NFKBID: variants seen among roughly 807,000 people sequenced by gnomAD.
NFKBID encodes NF-kappa-B inhibitor delta.
A neutral mutation model predicts 53.4 loss-of-function variants in NFKBID; 26 were observed. The ratio of observed to expected loss-of-function variants is 0.49; its 90% CI spans 0.36 to 0.68. NFKBID has a LOEUF of 0.68. Ranked by LOEUF, NFKBID falls within the 30% of genes least tolerant of loss-of-function variation. NFKBID has a pLI of 0.00. For missense variants in NFKBID, 493 were observed against 614.1 expected (o/e 0.80, Z 2.08); for synonymous variants, 262 against 259.8 (o/e 1.01, Z -0.08).
chr19:35,900,827 C>CTTTTTTTTTTT (rs60365058), upstream of NFKBID, among the ~76,000 whole-genome samples: 51 of 107,582 alleles, frequency 4.7e-4, no homozygotes, highest in African/African-American at 8.3e-4. Context: ...TTTTTCTTTT[C>CTTTTTTTTTTT]TTTTTTTTTT....
intron 9 of NFKBID, chr19:35,890,734 C>T (rs1430676688): frequency 1.8e-5 from 9 of 499,606 alleles, no homozygotes; most frequent in African/African-American, 7.7e-5. Flanking sequence ...CGTGGTGGTG[C>T]GCACCTGTAG....
Position 35,890,329 on chromosome 19 carries a change from C to G in NFKBID, c.1149+45G>C, listed in dbSNP as rs753382327. 9 of 1,365,678 alleles carry G rather than the reference C, an allele frequency of 6.6e-6. No individual in the cohort carries two copies. The East Asian group carries it at 6.9e-5, about 10-fold the overall frequency. 84.6% of individuals were successfully genotyped at this position (1,365,678 alleles called of 1,614,324 possible). On this transcript the variant is annotated intron_variant, in intron 10 of 11. Coordinates refer to ENST00000641389, the Ensembl canonical transcript of NFKBID. ...GACCCCTAACATCCCACTGCCCCCC[C>G]TACCGTACCCCACACAATCTGCACT... is the stretch of plus-strand genomic sequence containing the variant.
intron 2 of NFKBID, 61 bp from the exon 3 acceptor site, chr19:35,898,593 T>G: frequency 7.0e-7 from 1 of 1,437,868 alleles, no homozygotes; most frequent in South Asian, 1.2e-5. Context: ...CCTCCGGGTC[T>G]GTCTCGGATC....
upstream of NFKBID, chr19:35,900,809 TTTTC>T (rs945772073): frequency 3.1e-5 from 11 of 359,056 alleles, no homozygotes; most frequent in African/African-American, 6.6e-5. Context: ...TTTCTTTTCT[TTTTC>T]TTTTTTTTCT....
chr19:35,895,269 A>G (rs1377573755), intron 9 of NFKBID, among the ~76,000 whole-genome samples: 2 of 147,252 alleles, frequency 1.4e-5, no homozygotes, highest in African/African-American at 5.1e-5. Context: ...TGAGGTCAGG[A>G]GTTTGAGACC....
At chr19:35,902,134 G>C, upstream of NFKBID, 1 of 702,418 alleles carries the variant, frequency 1.4e-6, no homozygotes, top group South Asian at 1.5e-5. Context: ...AGATTGTCAG[G>C]CATTTCCAAC....
intron 11 of NFKBID, 106 bp downstream of exon 11, chr19:35,889,783 GA>G (rs1974624097): frequency 8.3e-7 from 1 of 1,210,316 alleles, no homozygotes; most frequent in African/African-American, 1.5e-5. Context: ...GTCACCTTCC[GA>G]GATTAGAAGT....
At position 35,895,960 on chromosome 19, in the gene NFKBID, C is replaced by T. The variant is rs761525967; in HGVS notation, c.1032+20G>A. ...TTCCACACAATCTCCCAGGGTCTGACCGCCCACATCCCCGCTCACCTGGCT... is the reference window on the plus strand; with the variant it reads ...TTCCACACAATCTCCCAGGGTCTGATCGCCCACATCCCCGCTCACCTGGCT... On this transcript the variant is annotated intron_variant, in intron 9 of 11. Transcript: ENST00000641389. The T allele has an allele frequency of 1.9e-6, 3 of 1,604,834 alleles. No homozygotes were observed. The highest frequency in any genetic ancestry group is 3.4e-5 in the Admixed American group (2 of 59,574).
intron 1 of NFKBID, among the ~76,000 whole-genome samples, chr19:35,900,074 G>C (rs1268950944): frequency 0.099 from 68 of 686 alleles, no homozygotes; most frequent in Admixed American, 0.17. Flanking sequence ...AAGCAACCAC[G>C]CCCCCCCCCC....
In NFKBID at chr19:35,896,557, G is replaced by A. The variant is rs746012084; in HGVS notation, c.685-19C>T. The A allele has an allele frequency of 3.1e-6, 5 of 1,612,192 alleles. 1 individual carries two copies. The South Asian group carries it at 5.5e-5, about 18-fold the overall frequency. The stretch of plus-strand genomic sequence containing the variant: ...GAGGGGTCTGCAGGCCACAGGAGAA[G>A]TCAGGTTGGGCTCCTGGTTCCCTCC... On this transcript the variant is annotated intron_variant, in intron 6 of 11. Transcript: ENST00000641389. The surrounding 1 kb of genome is among the most constrained non-coding windows in gnomAD (Gnocchi z 5.7).
chr19:35,896,163 C>A lies in NFKBID; in HGVS notation c.884-35G>T. The A allele has an allele frequency of 6.2e-7, 1 of 1,613,730 alleles. No individual in the cohort carries two copies. Among genetic ancestry groups the A allele is most frequent in the Non-Finnish European group, 8.5e-7 (1 of 1,179,746 alleles). On this transcript the variant is annotated intron_variant, in intron 8 of 11. Transcript: ENST00000641389. The surrounding 1 kb of genome is among the most constrained non-coding windows in gnomAD (Gnocchi z 5.7). ...GGAGACAGTGAGGGACCCGCATCTGCACCCACCTCGCCCAGCCACACCAAC... is the reference window on the plus strand; with the variant it reads ...GGAGACAGTGAGGGACCCGCATCTGAACCCACCTCGCCCAGCCACACCAAC...
intron 9 of NFKBID, 86 bp downstream of exon 9, chr19:35,895,894 T>G: frequency 7.8e-7 from 1 of 1,287,342 alleles, no homozygotes; most frequent in Non-Finnish European, 1.1e-6. Flanking sequence ...AGAGGCAAAG[T>G]CAGCATTTGC....
chr19:35,897,963 TC>T, intron 3 of NFKBID, 107 bp from the exon 4 acceptor site: 1 of 740,812 alleles, frequency 1.3e-6, no homozygotes, highest in Non-Finnish European at 2.2e-6. Context: ...AGTTAGTACT[TC>T]TGGGACACCA....
Position 35,889,878 on chromosome 19 carries a change from GT to G in NFKBID, c.1314+11del, listed in dbSNP as rs1354011589. ...AGAGGCCACTCTACAGGCAGGCTCA[GT>G]GCTTACTTACCCCCTCAGGGCCCGG... On this transcript the variant is annotated intron_variant, in intron 11 of 11. Coordinates refer to ENST00000641389, the Ensembl canonical transcript of NFKBID. The G allele has an allele frequency of 6.3e-7, 1 of 1,599,854 alleles. No individual in the cohort carries two copies. The highest frequency in any genetic ancestry group is 1.3e-5 in the African/African-American group (1 of 74,586).
rs1017265150 is a variant in NFKBID, at chr19:35,897,341, A to G, written c.433-283T>C. ...GCAATCTCTACTCACTGCAATCTCTACCTCCTGGGTTCAAGCAATTCCCCT... is the reference window on the plus strand; with the variant it reads ...GCAATCTCTACTCACTGCAATCTCTGCCTCCTGGGTTCAAGCAATTCCCCT... On this transcript the variant is annotated intron_variant, in intron 4 of 11. Transcript: ENST00000641389. 2.8e-5 allele frequency: 15 copies of G among 535,696 alleles called. No individual in the cohort carries two copies. The South Asian group carries it at 3.8e-4, about 14-fold the overall frequency. The allele number at this position is 535,696 out of a possible 1,614,324, so 33.2% of individuals were successfully genotyped here.
intron 9 of NFKBID, among the ~76,000 whole-genome samples, chr19:35,893,568 C>T (rs959717680): frequency 6.6e-6 from 1 of 152,208 alleles, no homozygotes; most frequent in Non-Finnish European, 1.5e-5. Flanking sequence ...CGCCTGTAAT[C>T]CCAGCACTTT....
intron 9 of NFKBID, among the ~76,000 whole-genome samples, chr19:35,893,000 C>T (rs1490996992): frequency 6.6e-6 from 1 of 152,118 alleles, no homozygotes; most frequent in Non-Finnish European, 1.5e-5. Context: ...CCCCCCCTCT[C>T]TACAAAAAAT....
rs774157892 is a variant in NFKBID at position 35,897,067 on chromosome 19, G to A, written c.433-9C>T. On this transcript the variant is annotated splice_polypyrimidine_tract_variant and intron_variant, in intron 4 of 11. Transcript: ENST00000641389. ...ACTCTCCAGGGTCCAGCCTGTGGCA[G>A]AGAAGATCCTACATAGAACTGGGTG... 2.5e-6 allele frequency: 4 copies of A among 1,597,926 alleles called. No homozygotes were observed. The highest frequency in any genetic ancestry group is 3.8e-5 in the Admixed American group (2 of 53,286).
chr19:35,896,372 T>C lies in NFKBID; in HGVS notation c.831+20A>G. 6.2e-7 allele frequency: 1 copy of C among 1,614,068 alleles called. No individual in the cohort carries two copies. The highest frequency in any genetic ancestry group is 8.5e-7 in the Non-Finnish European group (1 of 1,179,992). On this transcript the variant is annotated intron_variant, in intron 7 of 11. Transcript: ENST00000641389. The surrounding 1 kb of genome is among the most constrained non-coding windows in gnomAD (Gnocchi z 5.7). ...CCAGTCTACCCCCCAGACAAACCCC[T>C]GCCTGCCAGCTGGCCATACCAAGAG... is the stretch of plus-strand genomic sequence containing the variant.
Sources: allele counts gnomAD v4.1 joint callset (sites outside exome capture counted in the v4.1 genomes callset), GRCh38; gene constraint gnomAD v4.1.1; non-coding constraint Gnocchi (gnomAD v3.1); transcripts MANE v1.5; gene names NCBI Gene and HGNC (gene_info 2026-07-23, HGNC 2026-07-21).